IL1RAPL2: variants seen among roughly 807,000 people sequenced by gnomAD.
IL1RAPL2 encodes the protein interleukin 1 receptor accessory protein like 2.
In IL1RAPL2, 3 loss-of-function variants were observed where a neutral mutation model predicts 44.1. That is an observed-to-expected ratio of 0.07 (90% CI 0.03 to 0.18). IL1RAPL2 has a LOEUF of 0.18. Ranked by LOEUF, IL1RAPL2 falls within the 10% of genes least tolerant of loss-of-function variation. The pLI, the probability that IL1RAPL2 is intolerant of heterozygous loss-of-function variation, is 1.00. For synonymous variants in IL1RAPL2, 181 were observed against 178.8 expected, an observed-to-expected ratio of 1.01 and a Z score of -0.10; for missense variants, 391 against 496.4, an observed-to-expected ratio of 0.79 and a Z score of 2.02.
chrX:105,066,591 A>G (rs771227383), intron 2 of IL1RAPL2, among the ~76,000 whole-genome samples: 14 of 111,615 alleles, frequency 1.3e-4, no homozygotes, highest in African/African-American at 2.3e-4. Context: ...AAAAATACCA[A>G]TGTGGCTTGT....
chrX:105,736,231 A>C (rs2147571458), intron 7 of IL1RAPL2, among the ~76,000 whole-genome samples: 1 of 111,751 alleles, frequency 8.9e-6, no homozygotes, highest in Non-Finnish European at 1.9e-5. Context: ...AAGATGAATT[A>C]AATACTTAAG....
intron 2 of IL1RAPL2, among the ~76,000 whole-genome samples, chrX:104,866,679 TAGAG>T (rs945318783): frequency 8.0e-5 from 9 of 111,863 alleles, no homozygotes; most frequent in African/African-American, 2.6e-4. Context: ...CCTTTAGGCA[TAGAG>T]AGACTAGTTT....
chrX:104,678,585 T>C (rs1322249448), intron 2 of IL1RAPL2, among the ~76,000 whole-genome samples: 2 of 112,185 alleles, frequency 1.8e-5, no homozygotes, highest in Admixed American at 9.4e-5. Context: ...TCTGCTTTGA[T>C]AGTAGATCCT....
intron 2 of IL1RAPL2, among the ~76,000 whole-genome samples, chrX:105,061,053 T>C (rs760005829): frequency 1.6e-4 from 18 of 111,573 alleles, no homozygotes; most frequent in Non-Finnish European, 2.6e-4. Flanking sequence ...TCTGCTGTGA[T>C]CTTTATTATT....
intron 2 of IL1RAPL2, among the ~76,000 whole-genome samples, chrX:104,946,568 C>A (rs1385572484): frequency 1.7e-5 from 1 of 58,976 alleles, no homozygotes; most frequent in Admixed American, 2.6e-4. Context: ...CTCCCCCCTC[C>A]CCCCACCCCA....
chrX:105,344,443 G>C (rs2035095006), intron 5 of IL1RAPL2, among the ~76,000 whole-genome samples: 2 of 111,089 alleles, frequency 1.8e-5, no homozygotes, highest in Admixed American at 9.6e-5. Flanking sequence ...TGTCTGTGTT[G>C]AGGATTAATA....
At chrX:105,543,708 C>T (rs192742361) in intron 6 of IL1RAPL2, among the ~76,000 whole-genome samples, 68 of 111,950 alleles carry the variant, frequency 6.1e-4, no homozygotes, top group Non-Finnish European at 1.1e-3. Context: ...TTTTGTGCTT[C>T]TTGTGGTACC....
intron 5 of IL1RAPL2, among the ~76,000 whole-genome samples, chrX:105,349,859 C>A (rs1042929843): frequency 9.0e-6 from 1 of 111,339 alleles, no homozygotes; most frequent in Non-Finnish European, 1.9e-5. Context: ...ATATGATGAA[C>A]CAGAAAAAAA....
intron 2 of IL1RAPL2, among the ~76,000 whole-genome samples, chrX:105,173,827 G>T (rs1023370682): frequency 3.7e-5 from 4 of 109,380 alleles, no homozygotes; most frequent in Non-Finnish European, 7.6e-5. Flanking sequence ...CCGCCGCCCA[G>T]GTTCTTGCAA....
rs180737327 is a variant in IL1RAPL2 at position 105,643,676 on chromosome X, G to A, written c.773-73691G>A. ...GGACAAAGTTTTACACAGTGTCAGCGGCTGGGCAAGCTCCTGTTGGCACTG... is the reference window on the plus strand; with the variant it reads ...GGACAAAGTTTTACACAGTGTCAGCAGCTGGGCAAGCTCCTGTTGGCACTG... On this transcript the variant is annotated intron_variant, in intron 6 of 10. Coordinates refer to ENST00000372582, the MANE Select transcript of IL1RAPL2 (RefSeq NM_017416.2). 1.5e-4 allele frequency among the ~76,000 whole-genome samples: 17 copies of A among 111,322 alleles called. No homozygotes were observed. The East Asian group carries it at 4.3e-3, about 28-fold the overall frequency.
At chrX:104,814,446 G>A (rs1425743528) in intron 2 of IL1RAPL2, among the ~76,000 whole-genome samples, 2 of 111,826 alleles carry the variant, frequency 1.8e-5, no homozygotes, top group Non-Finnish European at 3.8e-5. Flanking sequence ...CTTGGGAAAG[G>A]GACTATAACC....
chrX:104,968,288 C>T (rs2030164697), intron 2 of IL1RAPL2, among the ~76,000 whole-genome samples: 1 of 111,470 alleles, frequency 9.0e-6, no homozygotes, highest in African/African-American at 3.2e-5. Flanking sequence ...AATTATATCA[C>T]CATCTCAATA....
intron 2 of IL1RAPL2, among the ~76,000 whole-genome samples, chrX:104,664,673 A>T (rs1199385960): frequency 2.7e-5 from 3 of 111,828 alleles, no homozygotes; most frequent in Non-Finnish European, 5.7e-5. Context: ...AAGTTGTGCT[A>T]GGGTTACCTT....
chrX:104,855,670 G>A (rs1922335934), intron 2 of IL1RAPL2, among the ~76,000 whole-genome samples: 1 of 64,890 alleles, frequency 1.5e-5, no homozygotes, highest in Non-Finnish European at 3.3e-5. Flanking sequence ...CTGTGCTAAG[G>A]ATCTGGATCC....
intron 2 of IL1RAPL2, among the ~76,000 whole-genome samples, chrX:104,901,814 T>C (rs763582268): frequency 1.8e-5 from 2 of 111,928 alleles, no homozygotes; most frequent in Admixed American, 1.9e-4. Flanking sequence ...ACAGTTCTTA[T>C]GCTACAAGGT....
intron 5 of IL1RAPL2, among the ~76,000 whole-genome samples, chrX:105,475,425 A>ATG (rs1211746853): frequency 9.0e-6 from 1 of 111,204 alleles, no homozygotes; most frequent in African/African-American, 3.3e-5. Context: ...ACAGAGCCAA[A>ATG]TGATGATCTT....
In IL1RAPL2 at chrX:105,020,822, A is replaced by G. The variant is rs946074805; in HGVS notation, c.83-174653A>G. Among the ~76,000 whole-genome samples, 36 of 111,724 alleles carry G rather than the reference A, an allele frequency of 3.2e-4. 1 individual carries two copies. Among genetic ancestry groups the G allele is most frequent in the Non-Finnish European group, 3.8e-4 (20 of 53,003 alleles). On this transcript the variant is annotated intron_variant, in intron 2 of 10. Transcript: ENST00000372582. ...TGAACAGTAACTCAGCAAGGTGGAC[A>G]GAGGACTGAAAAAATAAATGACACC... is the stretch of plus-strand genomic sequence containing the variant.
intron 5 of IL1RAPL2, among the ~76,000 whole-genome samples, chrX:105,288,958 A>G (rs1235365752): frequency 5.4e-5 from 6 of 111,479 alleles, no homozygotes; most frequent in Non-Finnish European, 1.1e-4. Flanking sequence ...TTTCACAGAG[A>G]GAATTCTTGA....
intron 2 of IL1RAPL2, among the ~76,000 whole-genome samples, chrX:105,037,829 G>A (rs1337860433): frequency 9.0e-6 from 1 of 111,510 alleles, no homozygotes; most frequent in Non-Finnish European, 1.9e-5. Flanking sequence ...TTCCTTTCAT[G>A]GCAGAACTTC....
Sources: gnomAD v4.1 joint callset for allele counts (sites outside exome capture counted in the v4.1 genomes callset) on GRCh38, gnomAD v4.1.1 for gene constraint, MANE v1.5 for transcripts, NCBI Gene and HGNC (gene_info 2026-07-23, HGNC 2026-07-21) for gene names.